Variants in ARMC2 observed in about 807,000 individuals in gnomAD.
ARMC2 encodes armadillo repeat-containing protein 2.
A neutral mutation model predicts 90.3 loss-of-function variants in ARMC2; 67 were observed. The observed-to-expected ratio is 0.74, with a 90% confidence interval of 0.61 to 0.91. The LOEUF is 0.91. ARMC2 is among the 40% of genes least tolerant of loss of function. ARMC2 has a pLI of 0.00. For synonymous variants in ARMC2, 393 were observed against 393.0 expected (o/e 1.00, Z 0.00); for missense variants, 920 against 1,030.9 (o/e 0.89, Z 1.47).
At chr6:108,972,796 C>T (rs923762983) in intron 17 of ARMC2, among the ~76,000 whole-genome samples, 3 of 151,906 alleles carry the variant, frequency 2.0e-5, no homozygotes, top group Admixed American at 6.6e-5. Flanking sequence ...TCTCGAGTAA[C>T]TGGGACCACA....
rs745554044 is a variant in ARMC2, at chr6:108,928,170, G to T, written c.1433G>T (p.Cys478Phe). Residue 478 changes from cysteine (C) to phenylalanine (F), a missense_variant, in exon 11 of 18, where the codon TGC becomes TTC. Physicochemically the swap from Cys to Phe is radical, Grantham distance 205. Transcript: ENST00000392644. ...FLNISALPQL[C>F]TAMEQYKGDK... is the part of the protein sequence containing the mutation. ...AACATCAGTGCCCTTCCCCAGCTCT[G>T]CACGGCAATGGAACAGTACAAGGGT... The T allele has an allele frequency of 6.2e-7, 1 of 1,613,032 alleles. No individual in the cohort carries two copies. Among genetic ancestry groups the T allele is most frequent in the Admixed American group, 1.7e-5 (1 of 59,738 alleles).
intron 6 of ARMC2, among the ~76,000 whole-genome samples, chr6:108,898,098 C>T (rs1771774970): frequency 6.6e-6 from 1 of 152,060 alleles, no homozygotes; most frequent in African/African-American, 2.4e-5. Context: ...AGCAATTTGC[C>T]CATAGTCAAC....
chr6:108,961,984 T>C, intron 14 of ARMC2, 30 bp from the exon 15 acceptor site: 6 of 1,462,570 alleles, frequency 4.1e-6, no homozygotes, highest in Non-Finnish European at 5.6e-6. Context: ...TTAAATTCAC[T>C]GATTTAATTT....
chr6:108,967,613 A>T (rs553926363), intron 17 of ARMC2, among the ~76,000 whole-genome samples: 2 of 152,298 alleles, frequency 1.3e-5, no homozygotes, highest in African/African-American at 4.8e-5. Context: ...TCACCTACAC[A>T]CATCTTCCTG....
Position 108,894,447 on chromosome 6 carries a change from G to GT in ARMC2, c.672-16dup. ...AAGTGTTTTCATGTTTGCGCTGAGT[G>GT]TTTTATGTATTCCTCCTAGGGACCA... is the stretch of plus-strand genomic sequence containing the variant. On this transcript the variant is annotated intron_variant, in intron 5 of 17. Coordinates refer to ENST00000392644, the MANE Select transcript of ARMC2 (RefSeq NM_032131.6). 1 of 1,599,234 alleles carries GT rather than the reference G, an allele frequency of 6.3e-7. No homozygotes were observed. Among genetic ancestry groups the GT allele is most frequent in the Middle Eastern group, 1.7e-4 (1 of 5,860 alleles).
chr6:108,994,054 C>G, the ARMC2 span, among the ~76,000 whole-genome samples: 17 of 150,086 alleles, frequency 1.1e-4, no homozygotes, highest in Middle Eastern at 0.014. Flanking sequence ...GCAGGATGAT[C>G]GCTTGAGCCT....
chr6:108,992,856 A>G, the ARMC2 span: 2 of 1,613,684 alleles, frequency 1.2e-6, no homozygotes, highest in Admixed American at 3.3e-5. Flanking sequence ...TAGTATCCTC[A>G]AAATGACGAG....
At chr6:109,030,258 T>G in the ARMC2 span, among the ~76,000 whole-genome samples, 1 of 152,288 alleles carries the variant, frequency 6.6e-6, no homozygotes, top group Non-Finnish European at 1.5e-5. Flanking sequence ...TAAGGAGAGA[T>G]ATGACAATCA....
At chr6:108,854,585 T>G in intron 2 of ARMC2, 100 bp downstream of exon 2, 1 of 1,221,410 alleles carries the variant, frequency 8.2e-7, no homozygotes, top group Admixed American at 2.4e-5. Flanking sequence ...ATAGACTTAT[T>G]TTTTAGAACA....
chr6:108,875,741 C>G (rs1471648612), intron 4 of ARMC2, among the ~76,000 whole-genome samples: 1 of 152,132 alleles, frequency 6.6e-6, no homozygotes, highest in Non-Finnish European at 1.5e-5. Flanking sequence ...CACCAAGTAC[C>G]TAGGACAGTG....
chr6:109,029,628 G>C, the ARMC2 span, among the ~76,000 whole-genome samples: 1 of 152,066 alleles, frequency 6.6e-6, no homozygotes, highest in Non-Finnish European at 1.5e-5. Flanking sequence ...TCTTGAGCTT[G>C]GGGCTCAAGC....
At chr6:108,852,419 AT>A (rs1453862816) in intron 1 of ARMC2, among the ~76,000 whole-genome samples, 4 of 152,210 alleles carry the variant, frequency 2.6e-5, no homozygotes, top group African/African-American at 9.6e-5. Flanking sequence ...TTTGGTAAAA[AT>A]TTGTAGACAA....
chr6:108,862,523 C>G (rs1317434385), intron 3 of ARMC2, among the ~76,000 whole-genome samples: 1 of 151,976 alleles, frequency 6.6e-6, no homozygotes, highest in Non-Finnish European at 1.5e-5. Flanking sequence ...AATTTGGGGC[C>G]CCCAGTCAAA....
rs144832569 is a variant in ARMC2 at position 108,894,086 on chromosome 6, G to A, written c.672-381G>A. On this transcript the variant is annotated intron_variant, in intron 5 of 17. Transcript: ENST00000392644. ...ATGGTTTCTTCAGAAACTGTATATC[G>A]GCTGGACACAGTGGCTCACTCCTAT... Among the ~76,000 whole-genome samples, 972 of 152,254 alleles carry A rather than the reference G, an allele frequency of 6.4e-3. 3 individuals are homozygous for A. The highest frequency in any genetic ancestry group is 0.013 in the South Asian group (61 of 4,814).
Position 108,935,073 on chromosome 6 carries a change from C to T in ARMC2, c.1497-1827C>T, listed in dbSNP as rs1161131157. 2.0e-5 allele frequency among the ~76,000 whole-genome samples: 3 copies of T among 152,090 alleles called. 1 individual carries two copies. Among genetic ancestry groups the T allele is most frequent in the South Asian group, 4.2e-4 (2 of 4,818 alleles). ...TATGTCATAGAGCTGCAGTTGAAAC[C>T]GTATCCTGGCTCTAGAATTCATACT... On this transcript the variant is annotated intron_variant, in intron 11 of 17. Coordinates refer to ENST00000392644, the MANE Select transcript of ARMC2 (RefSeq NM_032131.6).
intron 5 of ARMC2, among the ~76,000 whole-genome samples, chr6:108,893,561 T>A (rs1771306291): frequency 6.6e-6 from 1 of 152,258 alleles, no homozygotes; most frequent in Non-Finnish European, 1.5e-5. Context: ...TTTCTTATTG[T>A]AACAGTGACC....
At chr6:108,970,176 A>G (rs1320652855) in intron 17 of ARMC2, among the ~76,000 whole-genome samples, 1 of 152,206 alleles carries the variant, frequency 6.6e-6, no homozygotes. Context: ...TTGAAACTTT[A>G]GACCTCATTT....
intron 12 of ARMC2, among the ~76,000 whole-genome samples, chr6:108,950,222 A>C (rs866869293): frequency 3.3e-5 from 5 of 152,206 alleles, no homozygotes; most frequent in African/African-American, 9.6e-5. Flanking sequence ...AAAAACAAAA[A>C]AAACAAACAA....
chr6:108,954,337 A>G (rs556397955), intron 13 of ARMC2, among the ~76,000 whole-genome samples: 1 of 152,208 alleles, frequency 6.6e-6, no homozygotes, highest in East Asian at 1.9e-4. Flanking sequence ...TAATCTTGCC[A>G]CTATTAGGTG....
Sources: gnomAD v4.1 joint callset for allele counts (sites outside exome capture counted in the v4.1 genomes callset) on GRCh38, gnomAD v4.1.1 for gene constraint, MANE v1.5 for transcripts, NCBI Gene and HGNC (gene_info 2026-07-23, HGNC 2026-07-21) for gene names.